EXT1: variants seen among roughly 807,000 people sequenced by gnomAD.
EXT1 encodes the protein exostosin glycosyltransferase 1, also known as exostosin-1.
A neutral mutation model predicts 82.5 loss-of-function variants in EXT1; 20 were observed. That is an observed-to-expected ratio of 0.24 (90% CI 0.17 to 0.35). The LOEUF (loss-of-function observed/expected upper bound fraction) is 0.35, where lower values mean the gene tolerates loss of function less well. EXT1 is among the 10% of genes least tolerant of loss of function. The pLI, the probability that EXT1 is intolerant of heterozygous loss-of-function variation, is 1.00. For missense variants in EXT1, 757 were observed against 936.5 expected, an observed-to-expected ratio of 0.81 and a Z score of 2.50; for synonymous variants, 348 against 350.8, an observed-to-expected ratio of 0.99 and a Z score of 0.09.
chr8:118,093,003 C>T (rs1441060705), intron 1 of EXT1, among the ~76,000 whole-genome samples: 1 of 152,026 alleles, frequency 6.6e-6, no homozygotes, highest in African/African-American at 2.4e-5. Flanking sequence ...CAGACATGTC[C>T]CAAAAATCCA....
At chr8:117,922,117 T>A (rs2019967) in intron 1 of EXT1, among the ~76,000 whole-genome samples, 14,655 of 152,102 alleles carry the variant, frequency 0.096, 1,989 homozygotes, top group African/African-American at 0.3. Flanking sequence ...TGGCCCCTTT[T>A]GCTTGAAAGG....
chr8:118,066,491 T>C (rs765981338), intron 1 of EXT1, among the ~76,000 whole-genome samples: 1 of 151,708 alleles, frequency 6.6e-6, no homozygotes, highest in African/African-American at 2.4e-5. Context: ...CCTGAGTAAC[T>C]GGAATTACAG....
chr8:117,951,981 T>C (rs1814499010), intron 1 of EXT1, among the ~76,000 whole-genome samples: 1 of 152,232 alleles, frequency 6.6e-6, no homozygotes, highest in African/African-American at 2.4e-5. Context: ...ACAGAGACCA[T>C]ATGGCTCACA....
chr8:117,805,696 A>G (rs1823226564), intron 9 of EXT1, among the ~76,000 whole-genome samples: 1 of 152,202 alleles, frequency 6.6e-6, no homozygotes, highest in Non-Finnish European at 1.5e-5. Flanking sequence ...TCCCTGAGAT[A>G]GCAAAATTCC....
At chr8:117,818,168 C>T (rs1452197924) in intron 7 of EXT1, among the ~76,000 whole-genome samples, 1 of 152,132 alleles carries the variant, frequency 6.6e-6, no homozygotes, top group Non-Finnish European at 1.5e-5. Context: ...TTATTGTTTC[C>T]ACTTTGTAGA....
chr8:117,800,354 A>G (rs1008582285), intron 10 of EXT1, among the ~76,000 whole-genome samples: 4 of 152,180 alleles, frequency 2.6e-5, no homozygotes, highest in Admixed American at 1.3e-4. Flanking sequence ...CTTTCTCTCT[A>G]TCCATCACTT....
At chr8:117,850,608 T>G (rs10089630) in intron 1 of EXT1, among the ~76,000 whole-genome samples, 37,450 of 152,146 alleles carry the variant, frequency 0.25, 4,832 homozygotes, top group East Asian at 0.49. Flanking sequence ...TTTAATTTTC[T>G]AGTGCTTGCA....
At chr8:118,063,991 C>T (rs148962258) in intron 1 of EXT1, among the ~76,000 whole-genome samples, 3,251 of 152,148 alleles carry the variant, frequency 0.021, 109 homozygotes, top group African/African-American at 0.073. Flanking sequence ...CTCAGCCGCC[C>T]GAGTAGGTGG....
chr8:117,866,536 G>A (rs537697208), intron 1 of EXT1, among the ~76,000 whole-genome samples: 2 of 152,298 alleles, frequency 1.3e-5, no homozygotes, highest in South Asian at 4.1e-4. Flanking sequence ...AATTAACCAA[G>A]CTCAAGGACA....
Position 118,110,622 on chromosome 8 carries a change from C to T in EXT1, c.425G>A (p.Arg142Lys). The T allele has an allele frequency of 6.2e-7, 1 of 1,614,138 alleles. No individual in the cohort carries two copies. Among genetic ancestry groups the T allele is most frequent in the Non-Finnish European group, 8.5e-7 (1 of 1,180,028 alleles). The change falls in exon 1 of 11, where the codon AGG becomes AAG. Residue 142 changes from arginine (R) to lysine (K), a missense_variant. Arg to Lys is a conservative substitution (Grantham distance 26, BLOSUM62 2). Transcript: ENST00000378204. ...QNILAAIEGS[R>K]FYTSDPSQAC... ...CTGGCTGGGGTCCGAGGTGTAGAAC[C>T]TGGAGCCCTCGATGGCCGCTAGAAT...
At chr8:117,860,146 C>CA (rs34399339) in intron 1 of EXT1, among the ~76,000 whole-genome samples, 13,307 of 76,964 alleles carry the variant, frequency 0.17, 1,497 homozygotes, top group East Asian at 0.38. Context: ...GATTCTATCT[C>CA]AAAAAAAAAA....
intron 1 of EXT1, among the ~76,000 whole-genome samples, chr8:118,083,424 C>T (rs147959439): frequency 2.0e-5 from 3 of 152,302 alleles, no homozygotes; most frequent in African/African-American, 7.2e-5. Flanking sequence ...TAATCACCCA[C>T]CAGTCACCAT....
At chr8:117,811,800 G>C (rs2129716543) in intron 8 of EXT1, among the ~76,000 whole-genome samples, 1 of 152,248 alleles carries the variant, frequency 6.6e-6, no homozygotes, top group East Asian at 1.9e-4. Flanking sequence ...ATTTTTAGTA[G>C]AGATAAGGTT....
At chr8:117,861,793 G>A (rs776884245) in intron 1 of EXT1, among the ~76,000 whole-genome samples, 1 of 144,568 alleles carries the variant, frequency 6.9e-6, no homozygotes, top group African/African-American at 2.4e-5. Flanking sequence ...ACTGCACCCG[G>A]CCTTGAAGTT....
intron 1 of EXT1, among the ~76,000 whole-genome samples, chr8:118,098,911 G>A (rs886716017): frequency 6.6e-6 from 1 of 152,172 alleles, no homozygotes; most frequent in African/African-American, 2.4e-5. Flanking sequence ...CTAACCGAAA[G>A]GAGACCCTGT....
rs117448405 is a variant in EXT1, at chr8:117,867,530, C to T, written c.963-30329G>A. Reference sequence around the variant, plus strand: ...TTGGACTGGGATTAACTAGCTCATTCCAAACACTCCACCAAACAGCAAATG... The same window carrying T: ...TTGGACTGGGATTAACTAGCTCATTTCAAACACTCCACCAAACAGCAAATG... On this transcript the variant is annotated intron_variant, in intron 1 of 10. Coordinates refer to ENST00000378204, the MANE Select transcript of EXT1 (RefSeq NM_000127.3). Among the ~76,000 whole-genome samples, 86 of 152,242 alleles carry T rather than the reference C, an allele frequency of 5.6e-4. No homozygotes were observed. The East Asian group carries it at 0.016, about 28-fold the overall frequency.
intron 1 of EXT1, among the ~76,000 whole-genome samples, chr8:118,063,667 G>A (rs1816924806): frequency 2.0e-5 from 3 of 152,204 alleles, no homozygotes. Context: ...TACAAACACT[G>A]CTGCGATATT....
At chr8:117,931,718 T>C (rs1300653970) in intron 1 of EXT1, among the ~76,000 whole-genome samples, 1 of 152,246 alleles carries the variant, frequency 6.6e-6, no homozygotes, top group Non-Finnish European at 1.5e-5. Flanking sequence ...AATAGCTGCA[T>C]GATGCAAAAT....
At chr8:117,850,712 G>C (rs1812438243) in intron 1 of EXT1, among the ~76,000 whole-genome samples, 1 of 152,052 alleles carries the variant, frequency 6.6e-6, no homozygotes, top group African/African-American at 2.4e-5. Flanking sequence ...TTAATACTTG[G>C]GGATAATGAT....
Sources: allele counts gnomAD v4.1 joint callset (sites outside exome capture counted in the v4.1 genomes callset), GRCh38; gene constraint gnomAD v4.1.1; transcripts MANE v1.5; gene names NCBI Gene and HGNC (gene_info 2026-07-23, HGNC 2026-07-21).